Variants in CSMD2 observed in about 807,000 individuals in gnomAD.
CSMD2 encodes CUB and sushi domain-containing protein 2.
CSMD2 carries 130 observed loss-of-function variants against 398.5 expected under a neutral mutation model. That is an observed-to-expected ratio of 0.33 (90% CI 0.28 to 0.38). The LOEUF (loss-of-function observed/expected upper bound fraction) is 0.38, where lower values mean the gene tolerates loss of function less well. CSMD2 is among the 10% of genes least tolerant of loss of function. The pLI is 1.00. For missense variants in CSMD2, 3,829 were observed against 4,764.9 expected (o/e 0.80, Z 5.78); for synonymous variants, 1,828 against 1,908.5 (o/e 0.96, Z 1.10).
At chr1:33,556,808 T>C (rs1026012417) in intron 55 of CSMD2, among the ~76,000 whole-genome samples, 1 of 152,226 alleles carries the variant, frequency 6.6e-6, no homozygotes, top group Admixed American at 6.5e-5. Context: ...CTGATGGTTT[T>C]ATACGGGGCT....
In CSMD2 at chr1:34,111,322, A is replaced by C. The variant is rs80260868; in HGVS notation, c.188-22129T>G. On this transcript the variant is annotated intron_variant, in intron 1 of 70. Transcript: ENST00000373381. ...ACACAGACCCAGAAACCCAGCCCAC[A>C]ATGAAAATCTGGGAAGGAAGGATCC... is the stretch of plus-strand genomic sequence containing the variant. Among the ~76,000 whole-genome samples, 1,173 of 152,330 alleles carry C rather than the reference A, an allele frequency of 7.7e-3. 24 individuals carry two copies. Among genetic ancestry groups the C allele is most frequent in the African/African-American group, 0.027 (1,114 of 41,578 alleles).
At chr1:33,821,537 G>A (rs114046259) in intron 7 of CSMD2, among the ~76,000 whole-genome samples, 165 of 152,208 alleles carry the variant, frequency 1.1e-3, no homozygotes, top group African/African-American at 3.2e-3. Flanking sequence ...GACAGCATTC[G>A]GCATTTTCCA....
At chr1:33,659,804 A>G (rs1239016110) in intron 26 of CSMD2, among the ~76,000 whole-genome samples, 1 of 152,136 alleles carries the variant, frequency 6.6e-6, no homozygotes, top group African/African-American at 2.4e-5. Context: ...ACTCAATAAC[A>G]CCTAAGGAAG....
chr1:33,936,021 TC>T lies in CSMD2; in HGVS notation c.518-68del. 3 of 1,426,188 alleles carry T rather than the reference TC, an allele frequency of 2.1e-6. No homozygotes were observed. In the South Asian group the frequency reaches 4.0e-5, roughly 19 times the overall value. The allele number at this position is 1,426,188 out of a possible 1,614,324, so 88.3% of individuals were successfully genotyped here. On this transcript the variant is annotated intron_variant, in intron 3 of 70. Transcript: ENST00000373381. ...TGGGCTGGAGCCCTGACACCGGGCTTCCTAGTAGCAACTCCCTAGGCCACTC... is the reference window on the plus strand; with the variant it reads ...TGGGCTGGAGCCCTGACACCGGGCTTCTAGTAGCAACTCCCTAGGCCACTC...
chr1:33,697,966 C>T (rs187267865), intron 24 of CSMD2, among the ~76,000 whole-genome samples: 11 of 152,242 alleles, frequency 7.2e-5, no homozygotes, highest in Admixed American at 2.0e-4. Flanking sequence ...GGCACAGACA[C>T]GTTGAGGTTG....
intron 22 of CSMD2, among the ~76,000 whole-genome samples, chr1:33,703,834 T>C (rs1645689255): frequency 6.6e-6 from 1 of 152,220 alleles, no homozygotes; most frequent in South Asian, 2.1e-4. Context: ...TCCTTGCTGA[T>C]ACTTGGTATT....
chr1:33,658,522 T>G (rs1273684998), intron 26 of CSMD2, among the ~76,000 whole-genome samples: 1 of 152,212 alleles, frequency 6.6e-6, no homozygotes, highest in African/African-American at 2.4e-5. Context: ...TTTTGTATAA[T>G]GTAACTAACA....
At chr1:33,813,233 G>A (rs1255921150) in intron 9 of CSMD2, 1 of 152,214 alleles carries the variant, frequency 6.6e-6, no homozygotes, top group Non-Finnish European at 1.5e-5. Flanking sequence ...ACCACTTTAA[G>A]GGCTTAGAGG....
intron 4 of CSMD2, among the ~76,000 whole-genome samples, chr1:33,925,667 T>TA (rs1221521886): frequency 6.6e-6 from 1 of 152,150 alleles, no homozygotes; most frequent in Admixed American, 6.5e-5. Flanking sequence ...GCCAGAGTAA[T>TA]ACGGGAAACC....
intron 6 of CSMD2, among the ~76,000 whole-genome samples, chr1:33,829,475 C>T (rs10914790): frequency 0.15 from 22,414 of 152,180 alleles, 3,337 homozygotes; most frequent in African/African-American, 0.39. Flanking sequence ...TGTGTCATGT[C>T]GGTGTGCTGC....
intron 3 of CSMD2, among the ~76,000 whole-genome samples, chr1:33,960,299 A>G (rs1645311843): frequency 6.6e-6 from 1 of 152,128 alleles, no homozygotes; most frequent in Admixed American, 6.5e-5. Flanking sequence ...CATTTGTCAG[A>G]GGTTTGAGCA....
At chr1:33,786,325 G>C (rs1653532060) in intron 12 of CSMD2, among the ~76,000 whole-genome samples, 1 of 152,182 alleles carries the variant, frequency 6.6e-6, no homozygotes, top group Admixed American at 6.5e-5. Context: ...ATTCACTGCT[G>C]AACATCCATA....
At chr1:33,967,162 A>G (rs759709549) in intron 3 of CSMD2, among the ~76,000 whole-genome samples, 8 of 151,896 alleles carry the variant, frequency 5.3e-5, no homozygotes, top group Non-Finnish European at 8.8e-5. Flanking sequence ...ATTGATTTTA[A>G]TATTTTATAA....
At chr1:33,950,419 GAGAGGA>G (rs1490617254) in intron 3 of CSMD2, among the ~76,000 whole-genome samples, 1 of 143,558 alleles carries the variant, frequency 7.0e-6, no homozygotes, top group Non-Finnish European at 1.5e-5. Context: ...GAGAGAGAGA[GAGAGGA>G]GAGTTTGTGT....
At chr1:34,096,044 T>G (rs1659254382) in intron 1 of CSMD2, among the ~76,000 whole-genome samples, 1 of 151,850 alleles carries the variant, frequency 6.6e-6, no homozygotes, top group Non-Finnish European at 1.5e-5. Context: ...CAGCAGCACA[T>G]CAAAAAGATT....
chr1:33,892,218 C>A (rs1642072713), intron 5 of CSMD2, among the ~76,000 whole-genome samples: 2 of 151,574 alleles, frequency 1.3e-5, no homozygotes, highest in South Asian at 4.2e-4. Flanking sequence ...TTTTGGCAAA[C>A]TGGAGGACAC....
At chr1:33,956,939 T>C (rs535940845) in intron 3 of CSMD2, among the ~76,000 whole-genome samples, 1 of 152,132 alleles carries the variant, frequency 6.6e-6, no homozygotes, top group African/African-American at 2.4e-5. Flanking sequence ...CCGTGGCCAG[T>C]CTCTGCTGGT....
chr1:33,590,656 G>C (rs1337677294), intron 44 of CSMD2, among the ~76,000 whole-genome samples: 1 of 144,336 alleles, frequency 6.9e-6, no homozygotes, highest in African/African-American at 2.6e-5. Flanking sequence ...CCACATTGAT[G>C]GTATCCCACT....
chr1:34,148,541 C>T (rs961999483), intron 1 of CSMD2, among the ~76,000 whole-genome samples: 7 of 152,218 alleles, frequency 4.6e-5, no homozygotes, highest in Non-Finnish European at 8.8e-5. Context: ...ATCCACCATG[C>T]TGCAGGTACT....
Sources: allele counts gnomAD v4.1 joint callset (sites outside exome capture counted in the v4.1 genomes callset), GRCh38; gene constraint gnomAD v4.1.1; transcripts MANE v1.5; gene names NCBI Gene and HGNC (gene_info 2026-07-23, HGNC 2026-07-21).